Variants in RALGPS1 observed in about 807,000 individuals in gnomAD.
RALGPS1 encodes the protein ras-specific guanine nucleotide-releasing factor RalGPS1.
RALGPS1 carries 19 observed loss-of-function variants against 78.8 expected under a neutral mutation model. That is an observed-to-expected ratio of 0.24 (90% CI 0.17 to 0.35). The LOEUF is 0.35. RALGPS1 is among the 10% of genes least tolerant of loss of function. The pLI is 1.00. For synonymous variants in RALGPS1, 228 were observed against 256.3 expected (o/e 0.89, Z 1.06); for missense variants, 454 against 688.3 (o/e 0.66, Z 3.81).
intron 1 of RALGPS1, among the ~76,000 whole-genome samples, chr9:126,920,135 C>G (rs1365169658): frequency 3.3e-5 from 5 of 152,162 alleles, no homozygotes; most frequent in African/African-American, 4.8e-5. Flanking sequence ...GCTGCTGGGT[C>G]TCCAGAGCTT....
At chr9:127,131,324 A>G (rs559851486) in intron 8 of RALGPS1, among the ~76,000 whole-genome samples, 2 of 152,242 alleles carry the variant, frequency 1.3e-5, no homozygotes, top group Non-Finnish European at 2.9e-5. Flanking sequence ...AAAGTAACTG[A>G]GACTCACTGC....
intron 8 of RALGPS1, among the ~76,000 whole-genome samples, chr9:127,151,528 G>A (rs1430824315): frequency 2.0e-5 from 3 of 152,220 alleles, no homozygotes; most frequent in Non-Finnish European, 2.9e-5. Flanking sequence ...ATCATAGCTG[G>A]TCTGGTGGAG....
At chr9:126,998,482 A>G (rs74817453) in intron 4 of RALGPS1, among the ~76,000 whole-genome samples, 20,615 of 152,246 alleles carry the variant, frequency 0.14, 1,734 homozygotes, top group Middle Eastern at 0.26. Context: ...ATCCCACACC[A>G]GTTAGAATGG....
chr9:126,918,410 C>A (rs1190112993), intron 1 of RALGPS1, among the ~76,000 whole-genome samples: 2 of 152,160 alleles, frequency 1.3e-5, no homozygotes, highest in African/African-American at 4.8e-5. Context: ...AGTCACGGCT[C>A]ACTGCAGCCT....
intron 4 of RALGPS1, among the ~76,000 whole-genome samples, chr9:126,995,145 A>G (rs941835980): frequency 1.7e-4 from 26 of 152,350 alleles, no homozygotes; most frequent in African/African-American, 5.8e-4. Context: ...TAACCAGCTA[A>G]CATCATAATG....
At chr9:127,073,446 T>TTGTGTGTGTGTGTGTG (rs372544285) in intron 8 of RALGPS1, among the ~76,000 whole-genome samples, 5 of 88,536 alleles carry the variant, frequency 5.6e-5, no homozygotes, top group South Asian at 3.2e-4. Flanking sequence ...TAGTACACCA[T>TTGTGTGTGTGTGTGTG]TGTGTGTGTG....
chr9:127,061,165 A>G (rs985027987), intron 7 of RALGPS1, among the ~76,000 whole-genome samples: 4 of 152,174 alleles, frequency 2.6e-5, no homozygotes, highest in African/African-American at 9.7e-5. Flanking sequence ...GGCAGCAAAC[A>G]CCAGAAGATT....
In RALGPS1 at chr9:127,198,376, G is replaced by A. The variant is rs555131741; in HGVS notation, c.1196-639G>A. Among the ~76,000 whole-genome samples, 7 of 152,298 alleles carry A rather than the reference G, an allele frequency of 4.6e-5. No individual in the cohort carries two copies. In the South Asian group the frequency reaches 6.2e-4, roughly 14 times the overall value. Reference sequence around the variant, plus strand: ...CTGAGAGACAGTCCAGAAGCATTGCGCATGGATGCTTGGGTGAGAGGAGAA... The same window carrying A: ...CTGAGAGACAGTCCAGAAGCATTGCACATGGATGCTTGGGTGAGAGGAGAA... On this transcript the variant is annotated intron_variant, in intron 13 of 18. Coordinates refer to ENST00000259351, the MANE Select transcript of RALGPS1 (RefSeq NM_014636.3).
intron 8 of RALGPS1, among the ~76,000 whole-genome samples, chr9:127,112,699 A>C (rs998139490): frequency 2.0e-5 from 3 of 152,254 alleles, no homozygotes; most frequent in Non-Finnish European, 4.4e-5. Flanking sequence ...GCAGCATGGA[A>C]GTGCATCAGA....
rs548619639 is a variant in RALGPS1, at chr9:127,190,513, C to T, written c.911-4578C>T. Reference sequence around the variant, plus strand: ...TAGGTTTTGTATTTTTTTTTAGAGACGGGGTTTCACTGTGTTGCCCAGGCT... The same window carrying T: ...TAGGTTTTGTATTTTTTTTTAGAGATGGGGTTTCACTGTGTTGCCCAGGCT... On this transcript the variant is annotated intron_variant, in intron 11 of 18. Coordinates refer to ENST00000259351, the MANE Select transcript of RALGPS1 (RefSeq NM_014636.3). Among the ~76,000 whole-genome samples the T allele has an allele frequency of 8.6e-4, 130 of 151,988 alleles. 1 individual carries two copies. The highest frequency in any genetic ancestry group is 1.5e-3 in the Non-Finnish European group (105 of 67,994).
chr9:126,933,062 G>A (rs1228183633), intron 1 of RALGPS1, among the ~76,000 whole-genome samples: 1 of 152,164 alleles, frequency 6.6e-6, no homozygotes, highest in Admixed American at 6.5e-5. Flanking sequence ...CAGGGGCCTG[G>A]AACCCAGCCG....
At chr9:127,196,724 T>TTGG in intron 13 of RALGPS1, 93 bp downstream of exon 13, 1 of 1,412,990 alleles carries the variant, frequency 7.1e-7, no homozygotes, top group Non-Finnish European at 9.5e-7. Context: ...CCATGCCCAG[T>TTGG]GGCGCTATCA....
intron 8 of RALGPS1, among the ~76,000 whole-genome samples, chr9:127,150,329 C>T (rs2058347093): frequency 2.0e-5 from 3 of 152,232 alleles, no homozygotes; most frequent in Admixed American, 1.3e-4. Context: ...GGGGCCAGAT[C>T]ACTGTCAGGA....
chr9:126,995,898 C>T (rs1363033707), intron 4 of RALGPS1, among the ~76,000 whole-genome samples: 2 of 151,986 alleles, frequency 1.3e-5, no homozygotes, highest in African/African-American at 2.4e-5. Flanking sequence ...CACTCAACTA[C>T]ATGGAAACTG....
intron 8 of RALGPS1, among the ~76,000 whole-genome samples, chr9:127,125,550 C>T (rs987179749): frequency 2.0e-5 from 3 of 152,208 alleles, no homozygotes; most frequent in Admixed American, 6.5e-5. Context: ...TTCGGCCCTG[C>T]GCCCGGCTGC....
intron 2 of RALGPS1, among the ~76,000 whole-genome samples, chr9:126,962,572 G>T (rs1442251778): frequency 6.6e-6 from 1 of 152,226 alleles, no homozygotes; most frequent in Non-Finnish European, 1.5e-5. Flanking sequence ...ACAAATACCT[G>T]CCCAGTCCAG....
Position 127,004,307 on chromosome 9 carries a change from G to A in RALGPS1, c.216+26562G>A, listed in dbSNP as rs970434971. On this transcript the variant is annotated intron_variant, in intron 4 of 18. Coordinates refer to ENST00000259351, the MANE Select transcript of RALGPS1 (RefSeq NM_014636.3). ...ATTACAGGCACCCGCCACCACACCC[G>A]GCCAATTTTTGTATTTTTAGTAGAG... is the stretch of plus-strand genomic sequence containing the variant. Among the ~76,000 whole-genome samples the A allele has an allele frequency of 6.6e-5, 10 of 152,018 alleles. No individual in the cohort carries two copies. The East Asian group carries it at 1.7e-3, about 26-fold the overall frequency.
At chr9:127,131,356 T>A (rs1314888704) in intron 8 of RALGPS1, among the ~76,000 whole-genome samples, 1 of 152,220 alleles carries the variant, frequency 6.6e-6, no homozygotes, top group Non-Finnish European at 1.5e-5. Flanking sequence ...TACATCAATA[T>A]TGGGTACTCA....
chr9:126,926,742 T>G (rs1320226517), intron 1 of RALGPS1, among the ~76,000 whole-genome samples: 1 of 151,610 alleles, frequency 6.6e-6, no homozygotes, highest in Non-Finnish European at 1.5e-5. Flanking sequence ...GGGAGCTGAG[T>G]GAGGGTTATT....
Sources: allele counts gnomAD v4.1 joint callset (sites outside exome capture counted in the v4.1 genomes callset), GRCh38; gene constraint gnomAD v4.1.1; transcripts MANE v1.5; gene names NCBI Gene and HGNC (gene_info 2026-07-23, HGNC 2026-07-21).